Variants in CTNND2 observed in about 807,000 individuals in gnomAD.
The protein encoded by CTNND2 is catenin delta 2.
In CTNND2, 22 loss-of-function variants were observed where a neutral mutation model predicts 144.4. The observed-to-expected ratio is 0.15, with a 90% CI of 0.11 to 0.22. CTNND2 has a LOEUF of 0.22. Ranked by LOEUF, CTNND2 falls within the 10% of genes least tolerant of loss-of-function variation. The pLI is 1.00. For missense variants in CTNND2, 1,353 were observed against 1,618.8 expected, an observed-to-expected ratio of 0.84 and a Z score of 2.82; for synonymous variants, 751 against 695.6, an observed-to-expected ratio of 1.08 and a Z score of -1.25.
chr5:11,022,151 G>T (rs1742324173), intron 17 of CTNND2, among the ~76,000 whole-genome samples: 1 of 152,114 alleles, frequency 6.6e-6, no homozygotes. Flanking sequence ...TATCTGCACT[G>T]CCTGGGAAAT....
chr5:11,201,958 G>A (rs2149832139), intron 10 of CTNND2, among the ~76,000 whole-genome samples: 2 of 152,208 alleles, frequency 1.3e-5, no homozygotes, highest in Middle Eastern at 6.8e-3. Context: ...GCTTGAGAAG[G>A]GATATTCCAC....
intron 14 of CTNND2, among the ~76,000 whole-genome samples, chr5:11,110,263 GT>G (rs1752829798): frequency 6.6e-6 from 1 of 152,140 alleles, no homozygotes; most frequent in Non-Finnish European, 1.5e-5. Context: ...GGGCCATTCT[GT>G]TCTCAAGAGG....
chr5:11,488,210 A>AT (rs762095088), intron 3 of CTNND2, among the ~76,000 whole-genome samples: 3 of 152,174 alleles, frequency 2.0e-5, no homozygotes, highest in Non-Finnish European at 2.9e-5. Flanking sequence ...CTGCCTTTAA[A>AT]TTTTTTTATA....
chr5:11,684,668 T>C (rs1784564980), intron 2 of CTNND2, among the ~76,000 whole-genome samples: 1 of 152,178 alleles, frequency 6.6e-6, no homozygotes, highest in Non-Finnish European at 1.5e-5. Context: ...AACATGAGTG[T>C]GAATGAGTTT....
chr5:11,830,969 G>T (rs1793868084), intron 1 of CTNND2, among the ~76,000 whole-genome samples: 1 of 152,070 alleles, frequency 6.6e-6, no homozygotes. Flanking sequence ...AATATATAGG[G>T]TTAAGTGTAA....
chr5:11,097,841 G>A (rs1318332312), intron 15 of CTNND2, among the ~76,000 whole-genome samples: 3 of 152,136 alleles, frequency 2.0e-5, no homozygotes, highest in Non-Finnish European at 2.9e-5. Flanking sequence ...TTTCTCTCTT[G>A]GTATTCTCCC....
chr5:11,289,831 G>T (rs1231938686), intron 9 of CTNND2, among the ~76,000 whole-genome samples: 3 of 152,162 alleles, frequency 2.0e-5, no homozygotes, highest in Non-Finnish European at 4.4e-5. Flanking sequence ...TTAACCACCA[G>T]AGATAAATGC....
chr5:11,544,040 A>C (rs932989059), intron 3 of CTNND2, among the ~76,000 whole-genome samples: 1 of 152,254 alleles, frequency 6.6e-6, no homozygotes, highest in African/African-American at 2.4e-5. Context: ...GAAGAATCAA[A>C]GTGAAGGACA....
At chr5:11,592,855 C>T (rs1014498765) in intron 2 of CTNND2, among the ~76,000 whole-genome samples, 3 of 150,900 alleles carry the variant, frequency 2.0e-5, no homozygotes, top group Non-Finnish European at 4.4e-5. Flanking sequence ...TACCAGATAA[C>T]ATGGTGGACT....
chr5:11,803,432 C>T (rs1791807058), intron 1 of CTNND2, among the ~76,000 whole-genome samples: 1 of 152,176 alleles, frequency 6.6e-6, no homozygotes, highest in African/African-American at 2.4e-5. Flanking sequence ...GGAATCTGAA[C>T]TGTATAAACT....
chr5:11,113,969 T>A (rs1753288243), intron 13 of CTNND2, among the ~76,000 whole-genome samples: 2 of 152,222 alleles, frequency 1.3e-5, no homozygotes, highest in African/African-American at 2.4e-5. Context: ...ACCTTTCTTG[T>A]CAGCTTTTCA....
chr5:11,298,973 T>G (rs1468560073), intron 9 of CTNND2, among the ~76,000 whole-genome samples: 1 of 151,940 alleles, frequency 6.6e-6, no homozygotes, highest in Non-Finnish European at 1.5e-5. Context: ...CTGGTAAATA[T>G]ATTTACTTGG....
At chr5:11,417,938 T>A (rs183327013) in intron 3 of CTNND2, among the ~76,000 whole-genome samples, 293 of 152,284 alleles carry the variant, frequency 1.9e-3, no homozygotes, top group Middle Eastern at 6.8e-3. Flanking sequence ...ATAATATGAC[T>A]ACATATCATA....
intron 2 of CTNND2, among the ~76,000 whole-genome samples, chr5:11,728,773 CTA>C (rs1261544026): frequency 6.6e-6 from 1 of 152,060 alleles, no homozygotes. Flanking sequence ...AATATATTGA[CTA>C]AAGAGTTTCC....
At chr5:11,098,842 G>T in intron 14 of CTNND2, 94 bp from the exon 15 acceptor site, 1 of 1,171,886 alleles carries the variant, frequency 8.5e-7, no homozygotes, top group Non-Finnish European at 1.2e-6. Flanking sequence ...AACAAAAGCA[G>T]AGTGCTATCA....
At chr5:11,082,884 GAAGAAACC>G in intron 15 of CTNND2, 38 bp from the exon 16 acceptor site, 8 of 1,604,260 alleles carry the variant, frequency 5.0e-6, no homozygotes, top group Non-Finnish European at 6.8e-6. Flanking sequence ...TTAGAAACAG[GAAGAAACC>G]CTGCATGCAA....
At chr5:11,269,010 C>T (rs1442162798) in intron 9 of CTNND2, among the ~76,000 whole-genome samples, 1 of 152,096 alleles carries the variant, frequency 6.6e-6, no homozygotes, top group East Asian at 1.9e-4. Flanking sequence ...TTCCTTTTAC[C>T]GAAACTTTTC....
chr5:11,087,837 G>C (rs61755698), intron 15 of CTNND2, among the ~76,000 whole-genome samples: 284 of 152,272 alleles, frequency 1.9e-3, no homozygotes, highest in African/African-American at 6.4e-3. Context: ...ATATGTTTAT[G>C]CAATGCTCAA....
At chr5:11,647,204 A>C (rs1782400061) in intron 2 of CTNND2, among the ~76,000 whole-genome samples, 1 of 152,048 alleles carries the variant, frequency 6.6e-6, no homozygotes, top group African/African-American at 2.4e-5. Context: ...AGCTTTCCTC[A>C]AACACTGCCC....
Sources: allele counts gnomAD v4.1 joint callset (sites outside exome capture counted in the v4.1 genomes callset), GRCh38; gene constraint gnomAD v4.1.1; transcripts MANE v1.5; gene names NCBI Gene and HGNC (gene_info 2026-07-23, HGNC 2026-07-21).